The following GATA4 variants were observed in gnomAD, a reference collection of about 807,000 sequenced individuals.
GATA4 encodes transcription factor GATA-4.
In GATA4, 7 loss-of-function variants were observed where a neutral mutation model predicts 37.9. The ratio of observed to expected loss-of-function variants is 0.18; its 90% CI spans 0.11 to 0.35. The LOEUF (loss-of-function observed/expected upper bound fraction) is 0.35, where lower values mean the gene tolerates loss of function less well. Among genes scored for constraint, GATA4 ranks in the 10% least tolerant of loss-of-function variants. The probability of loss-of-function intolerance (pLI) is 1.00; values close to 1 mark genes in which losing one functional copy is unlikely to be tolerated. For synonymous variants in GATA4, 372 were observed against 292.6 expected (o/e 1.27, Z -2.77); for missense variants, 647 against 653.0 (o/e 0.99, Z 0.10).
At chr8:11,724,719 AGT>A (rs55916536) in intron 2 of GATA4, among the ~76,000 whole-genome samples, 1 of 151,888 alleles carries the variant, frequency 6.6e-6, no homozygotes, top group Non-Finnish European at 1.5e-5. Context: ...TGCACAAAGA[AGT>A]GTGTGTGTGT....
chr8:11,750,486 G>A (rs770172066), intron 4 of GATA4, among the ~76,000 whole-genome samples: 4 of 152,152 alleles, frequency 2.6e-5, no homozygotes, highest in African/African-American at 9.7e-5. Context: ...GTGACGTTTC[G>A]ATTCAGTGGA....
chr8:11,728,198 A>C (rs142791016), intron 2 of GATA4, among the ~76,000 whole-genome samples: 1 of 152,212 alleles, frequency 6.6e-6, no homozygotes, highest in Non-Finnish European at 1.5e-5. Flanking sequence ...CATGTTGGCC[A>C]AGCTGGTCTC....
At chr8:11,686,781 C>G (rs181428091) in intron 1 of GATA4, among the ~76,000 whole-genome samples, 41 of 152,230 alleles carry the variant, frequency 2.7e-4, no homozygotes, top group African/African-American at 9.1e-4. Context: ...GGTCAGATCA[C>G]GAGGTCAGGA....
chr8:11,710,291 G>A (rs1800116453), intron 2 of GATA4, among the ~76,000 whole-genome samples: 1 of 152,148 alleles, frequency 6.6e-6, no homozygotes, highest in Non-Finnish European at 1.5e-5. Context: ...ACCCCCAGGG[G>A]AGGAGGGGCC....
intron 4 of GATA4, among the ~76,000 whole-genome samples, chr8:11,751,079 CT>C (rs1255158185): frequency 1.3e-5 from 2 of 152,056 alleles, no homozygotes; most frequent in Non-Finnish European, 2.9e-5. Flanking sequence ...GATTTTAAAA[CT>C]TTTTAGCCAT....
intron 5 of GATA4, 176 bp from the exon 6 acceptor site, chr8:11,756,759 G>A (rs1042829366): frequency 1.2e-6 from 1 of 814,510 alleles, no homozygotes; most frequent in Admixed American, 1.9e-5. Flanking sequence ...TGAGATAGGG[G>A]GAAGAAGCCA....
intron 2 of GATA4, among the ~76,000 whole-genome samples, chr8:11,739,731 A>ACAGCTTCTGTCGTGTGCG (rs1801632634): frequency 1.6e-5 from 2 of 127,558 alleles, no homozygotes; most frequent in African/African-American, 5.3e-5. Context: ...CTCTGTGTGC[A>ACAGCTTCTGTCGTGTGCG]GAGCTTCTGT....
At chr8:11,680,214 C>T (rs953302421) in intron 1 of GATA4, among the ~76,000 whole-genome samples, 5 of 152,234 alleles carry the variant, frequency 3.3e-5, no homozygotes, top group African/African-American at 1.2e-4. Context: ...ATGTCCCGAC[C>T]CCCGGCTCAA....
At chr8:11,736,203 C>A (rs972997192) in intron 2 of GATA4, among the ~76,000 whole-genome samples, 1 of 152,180 alleles carries the variant, frequency 6.6e-6, no homozygotes, top group Non-Finnish European at 1.5e-5. Context: ...CCATGCCTGG[C>A]CTGTTTGAAT....
chr8:11,755,688 C>G lies in GATA4; in HGVS notation c.1000+555C>G, dbSNP rs561165996. Reference sequence around the variant, plus strand: ...CATTTTACTAACAAGCAAACTGAGGCTCATAGAGGACAATGATTTAACGAG... The same window carrying G: ...CATTTTACTAACAAGCAAACTGAGGGTCATAGAGGACAATGATTTAACGAG... On this transcript the variant is annotated intron_variant, in intron 5 of 6. Transcript: ENST00000532059. Among the ~76,000 whole-genome samples the G allele has an allele frequency of 2.6e-5, 4 of 152,244 alleles. No individual in the cohort carries two copies. The South Asian group carries it at 8.3e-4, about 32-fold the overall frequency.
At chr8:11,681,500 G>A (rs867944042) in intron 1 of GATA4, 7 of 915,782 alleles carry the variant, frequency 7.6e-6, no homozygotes, top group African/African-American at 3.9e-5. Flanking sequence ...CGCGGGGGGG[G>A]GGGGGGGGAT....
intron 1 of GATA4, among the ~76,000 whole-genome samples, chr8:11,694,257 C>T (rs554887633): frequency 6.6e-5 from 10 of 152,276 alleles, no homozygotes; most frequent in South Asian, 2.1e-4. Context: ...TGAGGGAATT[C>T]GAATAATTCT....
In GATA4 at chr8:11,708,902, A is replaced by T. The variant is rs1050253618; in HGVS notation, c.590A>T (p.Asn197Ile). 1 of 1,524,752 alleles carries T rather than the reference A, an allele frequency of 6.6e-7. No individual in the cohort carries two copies. Among genetic ancestry groups the T allele is most frequent in the Non-Finnish European group, 8.8e-7 (1 of 1,142,756 alleles). 94.5% of individuals were successfully genotyped at this position (1,524,752 alleles called of 1,614,324 possible). A position where few individuals can be genotyped will look rare whatever the true frequency, so the allele number is the denominator to read the frequency against. ...PVLHSLPGRA[N>I]PAARHPNLVD... is the part of the protein sequence containing the mutation. ...CTGCACAGCCTGCCCGGCCGGGCCA[A>T]CCCGGCCGCCCGACACCCCAATCTC... The change falls in exon 2 of 7, where the codon AAC (asparagine) becomes ATC (isoleucine). Residue 197 changes from asparagine (N) to isoleucine (I), a missense_variant. This residue lies in a region of GATA4 where 379 missense variants were observed against 334.5 expected (regional missense o/e 1.13). Transcript: ENST00000532059. This position sits in a 1 kb window ranked among gnomAD's most constrained non-coding sequence, Gnocchi z 6.7.
chr8:11,735,655 CGGG>C (rs1274608693), intron 2 of GATA4, among the ~76,000 whole-genome samples: 5 of 152,238 alleles, frequency 3.3e-5, no homozygotes, highest in Middle Eastern at 6.8e-3. Flanking sequence ...CTCCTCCTTC[CGGG>C]TTCAAGCGAT....
At position 11,759,326 on chromosome 8, in the gene GATA4, C is replaced by G. The variant is rs141296821; in HGVS notation, c.*851C>G. 3 of 152,858 alleles carry G rather than the reference C, an allele frequency of 2.0e-5. No homozygotes were observed. The highest frequency in any genetic ancestry group is 2.9e-5 in the Non-Finnish European group (2 of 68,596). 9.5% of individuals were successfully genotyped at this position (152,858 alleles called of 1,614,324 possible). On this transcript the variant is annotated 3_prime_UTR_variant, in exon 7 of 7. Transcript: ENST00000532059. Reference sequence around the variant, plus strand: ...AGAGGGGTTCTGAGTAAGAACAAAACGTTCTGCTGCTCAAGCCAGTCTGGC... The same window carrying G: ...AGAGGGGTTCTGAGTAAGAACAAAAGGTTCTGCTGCTCAAGCCAGTCTGGC...
intron 5 of GATA4, chr8:11,756,378 TG>T: frequency 2.3e-5 from 4 of 174,004 alleles, no homozygotes; most frequent in South Asian, 1.3e-4. Flanking sequence ...GAGTCCCCTA[TG>T]TCCCCTGGGT....
chr8:11,730,643 C>T (rs952846607), intron 2 of GATA4, among the ~76,000 whole-genome samples: 2 of 152,198 alleles, frequency 1.3e-5, no homozygotes, highest in African/African-American at 4.8e-5. Context: ...AGCAGAGCAG[C>T]TGTGGGAAAA....
At chr8:11,744,614 A>G (rs1017827195) in intron 2 of GATA4, among the ~76,000 whole-genome samples, 6 of 152,220 alleles carry the variant, frequency 3.9e-5, no homozygotes, top group African/African-American at 1.2e-4. Context: ...GTGATTTAAC[A>G]TTGTAGGGCC....
chr8:11,683,218 G>C (rs1354371398), intron 1 of GATA4: 2 of 789,906 alleles, frequency 2.5e-6, no homozygotes, highest in Admixed American at 6.2e-5. Flanking sequence ...GCATTTATCC[G>C]GAGCGGGGGA....
Sources: gnomAD v4.1 joint callset for allele counts (sites outside exome capture counted in the v4.1 genomes callset) on GRCh38, gnomAD v4.1.1 for gene constraint, gnomAD v4.1.1 regional missense constraint, Gnocchi (gnomAD v3.1) non-coding constraint, MANE v1.5 for transcripts, NCBI Gene and HGNC (gene_info 2026-07-23, HGNC 2026-07-21) for gene names.